The following PHACTR1 variants were observed in gnomAD, a reference collection of about 807,000 sequenced individuals.
PHACTR1 encodes the protein phosphatase and actin regulator 1.
In PHACTR1, 16 loss-of-function variants were observed where a neutral mutation model predicts 69.2. The observed-to-expected ratio is 0.23, with a 90% CI of 0.16 to 0.35. The LOEUF is 0.35. PHACTR1 is among the 10% of genes least tolerant of loss of function. The pLI, the probability that PHACTR1 is intolerant of heterozygous loss-of-function variation, is 1.00. For missense variants in PHACTR1, 510 were observed against 734.7 expected, an observed-to-expected ratio of 0.69 and a Z score of 3.54; for synonymous variants, 312 against 284.5, an observed-to-expected ratio of 1.10 and a Z score of -0.97.
At chr6:13,070,768 G>A (rs986133525) in intron 5 of PHACTR1, among the ~76,000 whole-genome samples, 4 of 151,960 alleles carry the variant, frequency 2.6e-5, no homozygotes, top group African/African-American at 9.7e-5. Context: ...GATTCCCAAG[G>A]CAGAGAAAGA....
At chr6:12,967,115 T>A (rs929516653) in intron 4 of PHACTR1, among the ~76,000 whole-genome samples, 3 of 152,248 alleles carry the variant, frequency 2.0e-5, no homozygotes, top group Non-Finnish European at 4.4e-5. Flanking sequence ...TTAAGGGCTG[T>A]TCCCACAGCC....
chr6:12,925,066 C>T (rs1788128173), intron 4 of PHACTR1, among the ~76,000 whole-genome samples: 1 of 152,140 alleles, frequency 6.6e-6, no homozygotes, highest in African/African-American at 2.4e-5. Context: ...TCTTATTTAT[C>T]TTGGCATATG....
chr6:12,805,254 T>C (rs1774172257), intron 4 of PHACTR1, among the ~76,000 whole-genome samples: 1 of 152,254 alleles, frequency 6.6e-6, no homozygotes, highest in Non-Finnish European at 1.5e-5. Flanking sequence ...AATACATTTT[T>C]AGGTGCCAAA....
intron 4 of PHACTR1, among the ~76,000 whole-genome samples, chr6:12,932,270 A>G (rs1788950945): frequency 2.0e-5 from 3 of 152,178 alleles, no homozygotes; most frequent in African/African-American, 7.2e-5. Context: ...AGACTGACAG[A>G]TCTGGTCCTA....
intron 5 of PHACTR1, among the ~76,000 whole-genome samples, chr6:13,096,583 T>C (rs1333867871): frequency 6.6e-6 from 1 of 152,188 alleles, no homozygotes; most frequent in Non-Finnish European, 1.5e-5. Context: ...GAAAAATATG[T>C]CATTTTGTCC....
chr6:13,061,839 C>T (rs1807724577), intron 5 of PHACTR1, among the ~76,000 whole-genome samples: 1 of 151,874 alleles, frequency 6.6e-6, no homozygotes, highest in South Asian at 2.1e-4. Context: ...ATGTTTTGGC[C>T]CATCATATTT....
intron 4 of PHACTR1, among the ~76,000 whole-genome samples, chr6:12,772,897 A>G (rs1305798023): frequency 1.3e-5 from 2 of 152,208 alleles, no homozygotes; most frequent in Non-Finnish European, 2.9e-5. Flanking sequence ...CAAGTGTTAG[A>G]AGTGATTACA....
At chr6:12,908,535 A>G (rs1397610234) in intron 4 of PHACTR1, among the ~76,000 whole-genome samples, 1 of 152,044 alleles carries the variant, frequency 6.6e-6, no homozygotes, top group Non-Finnish European at 1.5e-5. Context: ...CTGTGCAAAT[A>G]TGATGGAGGA....
At chr6:13,030,084 A>G (rs1313944277) in intron 4 of PHACTR1, among the ~76,000 whole-genome samples, 15 of 152,240 alleles carry the variant, frequency 9.9e-5, no homozygotes, top group Non-Finnish European at 1.5e-5. Context: ...AGCATATAGT[A>G]AGTGCTGAAT....
In PHACTR1 at chr6:13,091,298, C is replaced by T. The variant is rs1249788822; in HGVS notation, c.415+37769C>T. On this transcript the variant is annotated intron_variant, in intron 5 of 14. Coordinates refer to ENST00000332995, the MANE Select transcript of PHACTR1 (RefSeq NM_030948.6). ...ACAGGCATGAGCCACTGTGCCTGGC[C>T]GGCACTGCATTGTTAACTTCTACTA... Among the ~76,000 whole-genome samples the T allele has an allele frequency of 3.3e-5, 5 of 152,112 alleles. No homozygotes were observed. The East Asian group carries it at 5.8e-4, about 18-fold the overall frequency.
At chr6:12,768,258 G>A (rs1308586266) in intron 4 of PHACTR1, among the ~76,000 whole-genome samples, 1 of 151,994 alleles carries the variant, frequency 6.6e-6, no homozygotes, top group Non-Finnish European at 1.5e-5. Context: ...GGGACTACTG[G>A]CACCCGCCAC....
intron 12 of PHACTR1, among the ~76,000 whole-genome samples, chr6:13,281,975 G>A (rs2127481625): frequency 6.6e-6 from 1 of 152,366 alleles, no homozygotes. Context: ...GGGAGCTGTA[G>A]GCCTGCCTTG....
chr6:13,162,275 T>TTTCG (rs78580947), intron 6 of PHACTR1, among the ~76,000 whole-genome samples: 1 of 149,730 alleles, frequency 6.7e-6, no homozygotes, highest in African/African-American at 2.5e-5. Flanking sequence ...ACTTTTGTTT[T>TTTCG]TTTGTTTGTT....
In PHACTR1 at chr6:13,218,865, A is replaced by G; in HGVS notation, c.987-8951A>G. Among the ~76,000 whole-genome samples, 19 of 10,254 alleles carry G rather than the reference A, an allele frequency of 1.9e-3. No individual in the cohort carries two copies. The South Asian group carries it at 0.049, about 27-fold the overall frequency. The allele number at this position is 10,254 out of a possible 152,430, so 6.7% of individuals were successfully genotyped here. On this transcript the variant is annotated intron_variant, in intron 8 of 14. Coordinates refer to ENST00000332995, the MANE Select transcript of PHACTR1 (RefSeq NM_030948.6). ...GAGGAGGAGGAGGAAAGAGAAGAGA[A>G]GAGAAGAGAAGAGAAGAGAAGAGAA...
chr6:13,223,951 T>TC lies in PHACTR1; in HGVS notation c.987-3862dup, dbSNP rs148492742. On this transcript the variant is annotated intron_variant, in intron 8 of 14. Coordinates refer to ENST00000332995, the MANE Select transcript of PHACTR1 (RefSeq NM_030948.6). ...TGCTAACCAAGTCCAGAGCACCACA[T>TC]CCCTGCAGCACACCACTAGATGCCT... is the stretch of plus-strand genomic sequence containing the variant. 5.3e-3 allele frequency among the ~76,000 whole-genome samples: 807 copies of TC among 152,168 alleles called. 13 individuals are homozygous for TC. The highest frequency in any genetic ancestry group is 0.019 in the African/African-American group (773 of 41,478).
At chr6:13,015,149 A>C (rs1446989639) in intron 4 of PHACTR1, among the ~76,000 whole-genome samples, 1 of 152,240 alleles carries the variant, frequency 6.6e-6, no homozygotes, top group Non-Finnish European at 1.5e-5. Flanking sequence ...TTGGAAGAAC[A>C]AACATTACTT....
chr6:12,832,755 G>A (rs1355093935), intron 4 of PHACTR1, among the ~76,000 whole-genome samples: 1 of 151,946 alleles, frequency 6.6e-6, no homozygotes, highest in East Asian at 1.9e-4. Flanking sequence ...CTGTTATTTG[G>A]AAAAGAACAG....
intron 6 of PHACTR1, among the ~76,000 whole-genome samples, chr6:13,167,320 T>A (rs1759949096): frequency 6.6e-6 from 1 of 152,226 alleles, no homozygotes; most frequent in African/African-American, 2.4e-5. Context: ...ATCACTGAAT[T>A]TCTCTATGAA....
intron 4 of PHACTR1, among the ~76,000 whole-genome samples, chr6:12,920,900 A>C (rs1582489316): frequency 6.6e-6 from 1 of 152,368 alleles, no homozygotes; most frequent in East Asian, 1.9e-4. Flanking sequence ...ATCATGTTTC[A>C]AACACTGTAC....
Sources: gnomAD v4.1 joint callset for allele counts (sites outside exome capture counted in the v4.1 genomes callset) on GRCh38, gnomAD v4.1.1 for gene constraint, MANE v1.5 for transcripts, NCBI Gene and HGNC (gene_info 2026-07-23, HGNC 2026-07-21) for gene names.